The following LINGO2 variants were observed in gnomAD, a reference collection of about 807,000 sequenced individuals.
LINGO2 encodes leucine rich repeat and Ig domain containing 2.
Under a neutral mutation model 30.6 loss-of-function variants are expected in LINGO2, and 14 were observed. That is an observed-to-expected ratio of 0.46 (90% CI 0.30 to 0.72). The LOEUF is 0.72. Among genes scored for constraint, LINGO2 ranks in the 30% least tolerant of loss-of-function variants. The pLI, the probability that LINGO2 is intolerant of heterozygous loss-of-function variation, is 0.07. For synonymous variants in LINGO2, 317 were observed against 288.5 expected (o/e 1.10, Z -1.00); for missense variants, 729 against 751.7 (o/e 0.97, Z 0.35).
the LINGO2 span, among the ~76,000 whole-genome samples, chr9:28,788,784 G>A: frequency 1.3e-5 from 2 of 152,106 alleles, no homozygotes; most frequent in Non-Finnish European, 1.5e-5. Flanking sequence ...CTGCCCCCAT[G>A]ACACAATTAC....
intron 1 of LINGO2, among the ~76,000 whole-genome samples, chr9:28,662,280 T>C (rs1828613763): frequency 6.6e-6 from 1 of 152,190 alleles, no homozygotes; most frequent in Non-Finnish European, 1.5e-5. Flanking sequence ...ATCTTACTTG[T>C]ATCCTTTTCT....
At chr9:28,913,459 C>A in the LINGO2 span, among the ~76,000 whole-genome samples, 1 of 152,026 alleles carries the variant, frequency 6.6e-6, no homozygotes, top group Admixed American at 6.6e-5. Flanking sequence ...GATATGTCAA[C>A]CATATTTTAT....
chr9:28,092,844 A>T (rs1448010186), intron 4 of LINGO2, among the ~76,000 whole-genome samples: 1 of 152,136 alleles, frequency 6.6e-6, no homozygotes, highest in Non-Finnish European at 1.5e-5. Context: ...TGAACATTTT[A>T]TGACATAGTA....
intron 1 of LINGO2, among the ~76,000 whole-genome samples, chr9:28,608,843 T>C (rs558290936): frequency 1.3e-5 from 2 of 152,112 alleles, no homozygotes; most frequent in East Asian, 3.9e-4. Context: ...AAAACTTAGA[T>C]GGTTACTTAG....
chr9:28,840,519 C>T, the LINGO2 span, among the ~76,000 whole-genome samples: 2 of 151,866 alleles, frequency 1.3e-5, no homozygotes, highest in Non-Finnish European at 2.9e-5. Flanking sequence ...CTACTCTTGC[C>T]CCTCTCCAAT....
At chr9:28,044,568 A>G (rs140975981) in intron 4 of LINGO2, among the ~76,000 whole-genome samples, 101 of 152,254 alleles carry the variant, frequency 6.6e-4, no homozygotes, top group African/African-American at 2.1e-3. Flanking sequence ...CCTTATAACA[A>G]TATTTTTTGT....
At chr9:28,879,030 A>T in the LINGO2 span, among the ~76,000 whole-genome samples, 1 of 152,168 alleles carries the variant, frequency 6.6e-6, no homozygotes, top group Non-Finnish European at 1.5e-5. Flanking sequence ...TTCAATTAGG[A>T]AAAGAGGAAG....
At chr9:28,866,140 A>G in the LINGO2 span, among the ~76,000 whole-genome samples, 1 of 152,260 alleles carries the variant, frequency 6.6e-6, no homozygotes, top group African/African-American at 2.4e-5. Context: ...TATTTTATAT[A>G]AGTAGATAAA....
the LINGO2 span, among the ~76,000 whole-genome samples, chr9:28,727,856 C>T: frequency 6.6e-6 from 1 of 152,064 alleles, no homozygotes; most frequent in Admixed American, 6.5e-5. Flanking sequence ...ATTGGTTTGG[C>T]AGGGTGAGGT....
Position 28,265,120 on chromosome 9 carries a change from T to C in LINGO2, c.-87+30088A>G, listed in dbSNP as rs961409112. Among the ~76,000 whole-genome samples, 5 of 151,964 alleles carry C rather than the reference T, an allele frequency of 3.3e-5. No homozygotes were observed. The South Asian group carries it at 8.3e-4, about 25-fold the overall frequency. ...TTACCAGCCCCACAATTGTAAGAGCTAATTCCTTAAAACAAATATCTTCAT... is the reference window on the plus strand; with the variant it reads ...TTACCAGCCCCACAATTGTAAGAGCCAATTCCTTAAAACAAATATCTTCAT... On this transcript the variant is annotated intron_variant, in intron 4 of 5. Coordinates refer to ENST00000379992, the Ensembl canonical transcript of LINGO2.
Position 28,148,697 on chromosome 9 carries a change from G to A in LINGO2, c.-86-136292C>T, listed in dbSNP as rs1385300085. 7 of 1,533,684 alleles carry A rather than the reference G, an allele frequency of 4.6e-6. No homozygotes were observed. The African/African-American group carries it at 9.6e-5, about 21-fold the overall frequency. ...AGTGAGTTTCTACTCCAACGGCCAT[G>A]GAGTCGCCAGTTCACACAGCCCTGC... On this transcript the variant is annotated intron_variant, in intron 4 of 5. Coordinates refer to ENST00000379992, the Ensembl canonical transcript of LINGO2. The surrounding 1 kb of genome is among the most constrained non-coding windows in gnomAD (Gnocchi z 5.1).
At chr9:29,157,710 G>A in the LINGO2 span, among the ~76,000 whole-genome samples, 1 of 152,060 alleles carries the variant, frequency 6.6e-6, no homozygotes. Flanking sequence ...TCAATAAGCA[G>A]TTTTTTGGCT....
At chr9:28,491,444 CTA>C (rs1780539930) in intron 1 of LINGO2, among the ~76,000 whole-genome samples, 1 of 152,176 alleles carries the variant, frequency 6.6e-6, no homozygotes, top group African/African-American at 2.4e-5. Context: ...CATGCAAAAT[CTA>C]TGTTACCAAA....
At chr9:28,600,492 A>G (rs918541495) in intron 1 of LINGO2, among the ~76,000 whole-genome samples, 6 of 152,186 alleles carry the variant, frequency 3.9e-5, no homozygotes, top group African/African-American at 1.2e-4. Context: ...CACTATTATA[A>G]TAAGCATCTG....
At chr9:28,506,473 C>T (rs1402400167) in intron 1 of LINGO2, among the ~76,000 whole-genome samples, 15 of 7,772 alleles carry the variant, frequency 1.9e-3, no homozygotes, top group South Asian at 3.6e-3. Context: ...TACACACACA[C>T]ACACACATAC....
chr9:27,978,079 G>A (rs76020697), intron 5 of LINGO2, among the ~76,000 whole-genome samples: 73 of 152,048 alleles, frequency 4.8e-4, no homozygotes, highest in African/African-American at 1.1e-3. Context: ...AAAGCCTCTC[G>A]GACCTGCTTA....
At chr9:28,630,653 C>G (rs1185809176) in intron 1 of LINGO2, among the ~76,000 whole-genome samples, 1 of 151,946 alleles carries the variant, frequency 6.6e-6, no homozygotes, top group East Asian at 1.9e-4. Context: ...TAACCTTGAC[C>G]CACTAGTCAA....
chr9:28,169,639 A>C (rs1828526566), intron 4 of LINGO2, among the ~76,000 whole-genome samples: 1 of 152,228 alleles, frequency 6.6e-6, no homozygotes, highest in Admixed American at 6.5e-5. Flanking sequence ...CATGGAGATT[A>C]ACATTTATTG....
At chr9:28,252,918 C>T (rs905461768) in intron 4 of LINGO2, among the ~76,000 whole-genome samples, 1 of 151,842 alleles carries the variant, frequency 6.6e-6, no homozygotes, top group Non-Finnish European at 1.5e-5. Flanking sequence ...CTTTAATGGA[C>T]AGTCTCAATT....
Sources: allele counts gnomAD v4.1 joint callset (sites outside exome capture counted in the v4.1 genomes callset), GRCh38; gene constraint gnomAD v4.1.1; non-coding constraint Gnocchi (gnomAD v3.1); transcripts MANE v1.5; gene names NCBI Gene and HGNC (gene_info 2026-07-23, HGNC 2026-07-21).